CHST8: variants seen among roughly 807,000 people sequenced by gnomAD.
The protein encoded by CHST8 is GALNAC-4-ST1.
CHST8 carries 10 observed loss-of-function variants against 15.0 expected under a neutral mutation model. The observed-to-expected ratio is 0.67, with a 90% CI of 0.41 to 1.13. The LOEUF (loss-of-function observed/expected upper bound fraction) is 1.13. CHST8 is among the 50% of genes most tolerant of loss of function. The pLI, the probability that CHST8 is intolerant of heterozygous loss-of-function variation, is 0.00. For missense variants in CHST8, 634 were observed against 608.2 expected (o/e 1.04, Z -0.45); for synonymous variants, 259 against 256.6 (o/e 1.01, Z -0.09).
chr19:33,720,053 C>T (rs756386080), intron 3 of CHST8, among the ~76,000 whole-genome samples: 8 of 152,088 alleles, frequency 5.3e-5, no homozygotes, highest in African/African-American at 1.2e-4. Context: ...TCGGCAGCCC[C>T]GCTGTCTGTA....
At chr19:33,625,604 G>A (rs1345857656) in intron 1 of CHST8, among the ~76,000 whole-genome samples, 3 of 151,922 alleles carry the variant, frequency 2.0e-5, no homozygotes, top group Non-Finnish European at 2.9e-5. Flanking sequence ...GCTCACGCCT[G>A]TAATCCCAGC....
intron 1 of CHST8, among the ~76,000 whole-genome samples, chr19:33,640,903 G>A (rs1015403025): frequency 6.6e-6 from 1 of 152,056 alleles, no homozygotes; most frequent in Non-Finnish European, 1.5e-5. Context: ...ATGCTCCCAG[G>A]GGCGCCCCGG....
intron 1 of CHST8, among the ~76,000 whole-genome samples, chr19:33,635,812 A>G (rs1972188091): frequency 6.6e-6 from 1 of 152,134 alleles, no homozygotes; most frequent in African/African-American, 2.4e-5. Flanking sequence ...CTTACCTCAA[A>G]GGCCAGGGGT....
At chr19:33,663,159 A>AC (rs1213690036) in intron 1 of CHST8, among the ~76,000 whole-genome samples, 1 of 151,676 alleles carries the variant, frequency 6.6e-6, no homozygotes, top group Admixed American at 6.6e-5. Context: ...TTCTGAAGTG[A>AC]CCCCTGGACA....
intron 1 of CHST8, among the ~76,000 whole-genome samples, chr19:33,652,521 G>A (rs182685073): frequency 7.3e-5 from 11 of 151,464 alleles, no homozygotes; most frequent in East Asian, 3.9e-4. Context: ...GACTACAGGC[G>A]CCCAGCAACA....
At chr19:33,649,188 G>A (rs553174393) in intron 1 of CHST8, among the ~76,000 whole-genome samples, 75 of 152,198 alleles carry the variant, frequency 4.9e-4, no homozygotes, top group African/African-American at 1.8e-3. Flanking sequence ...ACAGACAGGA[G>A]CCACTGTGCC....
intron 3 of CHST8, among the ~76,000 whole-genome samples, chr19:33,748,418 CGTT>C (rs1479522979): frequency 6.6e-6 from 1 of 152,252 alleles, no homozygotes; most frequent in Non-Finnish European, 1.5e-5. Context: ...GCTACCCGCT[CGTT>C]GGTGCCAGCG....
chr19:33,680,372 G>A (rs1972870786), intron 2 of CHST8, among the ~76,000 whole-genome samples: 1 of 152,102 alleles, frequency 6.6e-6, no homozygotes, highest in South Asian at 2.1e-4. Flanking sequence ...TATTGGTTTG[G>A]AAAAAGCCCA....
chr19:33,725,013 C>A (rs1409893760), intron 3 of CHST8, among the ~76,000 whole-genome samples: 2 of 152,050 alleles, frequency 1.3e-5, no homozygotes, highest in African/African-American at 4.8e-5. Flanking sequence ...CCATCGGCAG[C>A]GCACAGCTGT....
intron 3 of CHST8, among the ~76,000 whole-genome samples, chr19:33,709,425 C>G (rs1234454491): frequency 6.6e-6 from 1 of 152,132 alleles, no homozygotes; most frequent in Non-Finnish European, 1.5e-5. Context: ...AAAAATTTAA[C>G]CATGAATAGG....
At chr19:33,669,076 G>A (rs1487447475) in intron 2 of CHST8, among the ~76,000 whole-genome samples, 3 of 152,166 alleles carry the variant, frequency 2.0e-5, no homozygotes, top group East Asian at 1.9e-4. Context: ...CCCCCGCTAA[G>A]CAGAATCGTT....
intron 1 of CHST8, among the ~76,000 whole-genome samples, chr19:33,626,997 C>T (rs1454368254): frequency 6.6e-6 from 1 of 150,424 alleles, no homozygotes; most frequent in Non-Finnish European, 1.5e-5. Context: ...CCTATGTTGT[C>T]CAAGCTCATC....
chr19:33,625,644 T>C (rs967618334), intron 1 of CHST8, among the ~76,000 whole-genome samples: 1 of 152,012 alleles, frequency 6.6e-6, no homozygotes, highest in South Asian at 2.1e-4. Flanking sequence ...GGTGGATCAC[T>C]TGAGGTCAGG....
chr19:33,665,547 T>C (rs1972646063), intron 1 of CHST8, among the ~76,000 whole-genome samples: 2 of 151,530 alleles, frequency 1.3e-5, no homozygotes, highest in South Asian at 2.1e-4. Flanking sequence ...CAGATGGGTA[T>C]GGAAATGGAG....
intron 3 of CHST8, among the ~76,000 whole-genome samples, chr19:33,759,771 C>T (rs1410458508): frequency 6.6e-6 from 1 of 152,228 alleles, no homozygotes; most frequent in Admixed American, 6.5e-5. Context: ...CAGAAGCCAG[C>T]GTCTCCCTCT....
intron 1 of CHST8, among the ~76,000 whole-genome samples, chr19:33,662,650 G>A (rs748143002): frequency 6.6e-6 from 1 of 152,220 alleles, no homozygotes; most frequent in Admixed American, 6.5e-5. Context: ...ACAAACGGAT[G>A]AGGTAAAGGT....
chr19:33,756,521 C>A (rs905654051), intron 3 of CHST8, among the ~76,000 whole-genome samples: 2 of 152,202 alleles, frequency 1.3e-5, no homozygotes, highest in Non-Finnish European at 2.9e-5. Flanking sequence ...CCTCCATTCC[C>A]TGAGACCTCC....
intron 3 of CHST8, among the ~76,000 whole-genome samples, chr19:33,746,124 T>C (rs941387583): frequency 8.5e-5 from 13 of 152,246 alleles, no homozygotes; most frequent in African/African-American, 3.1e-4. Context: ...TTGGTGTTAC[T>C]GAGATACAAG....
At chr19:33,759,380 G>A (rs1974670325) in intron 3 of CHST8, among the ~76,000 whole-genome samples, 1 of 152,254 alleles carries the variant, frequency 6.6e-6, no homozygotes, top group Non-Finnish European at 1.5e-5. Flanking sequence ...GACAAGAGGA[G>A]GCGTTGACAT....
Sources: gnomAD v4.1 joint callset for allele counts (sites outside exome capture counted in the v4.1 genomes callset) on GRCh38, gnomAD v4.1.1 for gene constraint, MANE v1.5 for transcripts, NCBI Gene and HGNC (gene_info 2026-07-23, HGNC 2026-07-21) for gene names.